Variants in MDGA2 observed in about 807,000 individuals in gnomAD.
MDGA2 encodes MAM domain-containing glycosylphosphatidylinositol anchor protein 2.
Under a neutral mutation model 117.8 loss-of-function variants are expected in MDGA2, and 40 were observed. The ratio of observed to expected loss-of-function variants is 0.34; its 90% CI spans 0.26 to 0.44. The LOEUF is 0.44. MDGA2 is among the 20% of genes least tolerant of loss of function. MDGA2 has a pLI of 1.00. For missense variants in MDGA2, 1,123 were observed against 1,250.6 expected (o/e 0.90, Z 1.54); for synonymous variants, 452 against 439.0 (o/e 1.03, Z -0.37).
rs1454657047 is a variant in MDGA2, at chr14:47,185,429, G to A, written c.595+32592C>T. ...CCATTTTGTAGTTAATGAAGCTAAA[G>A]GTCAGAAAGTTTAAGCAATTTGCCT... On this transcript the variant is annotated intron_variant, in intron 3 of 16. Coordinates refer to ENST00000399232, the MANE Select transcript of MDGA2 (RefSeq NM_001113498.3). Among the ~76,000 whole-genome samples, 6 of 151,404 alleles carry A rather than the reference G, an allele frequency of 4.0e-5. No individual in the cohort carries two copies. In the East Asian group the frequency reaches 9.6e-4, roughly 24 times the overall value.
intron 1 of MDGA2, among the ~76,000 whole-genome samples, chr14:47,342,369 A>G (rs1890657158): frequency 6.6e-6 from 1 of 150,686 alleles, no homozygotes; most frequent in Admixed American, 6.6e-5. Flanking sequence ...TACAATTTCT[A>G]TATGAAATGA....
intron 1 of MDGA2, among the ~76,000 whole-genome samples, chr14:47,616,747 A>C (rs1049571939): frequency 3.9e-5 from 6 of 152,218 alleles, no homozygotes; most frequent in African/African-American, 1.4e-4. Context: ...TGCATTTTCC[A>C]TATTTGTATG....
chr14:47,012,422 G>A (rs1055277523), intron 8 of MDGA2, among the ~76,000 whole-genome samples: 35 of 151,988 alleles, frequency 2.3e-4, no homozygotes, highest in Non-Finnish European at 2.9e-5. Context: ...GTCAACTACT[G>A]AACTGTCTAT....
At chr14:47,288,390 G>A (rs61993083) in intron 2 of MDGA2, among the ~76,000 whole-genome samples, 41,675 of 151,968 alleles carry the variant, frequency 0.27, 6,561 homozygotes, top group Admixed American at 0.47. Flanking sequence ...ATTATGTATC[G>A]TATCAACACA....
chr14:47,217,841 T>C (rs1370752178), intron 3 of MDGA2, among the ~76,000 whole-genome samples, 180 bp downstream of exon 3: 1 of 152,140 alleles, frequency 6.6e-6, no homozygotes, highest in Non-Finnish European at 1.5e-5. Flanking sequence ...TCATAGAAGT[T>C]ATGAAAGTTT....
At chr14:47,042,391 T>TA (rs1566589190) in intron 7 of MDGA2, among the ~76,000 whole-genome samples, 1 of 151,114 alleles carries the variant, frequency 6.6e-6, no homozygotes, top group Admixed American at 6.6e-5. Flanking sequence ...AGAGATGGGT[T>TA]AAAAAAATTG....
At position 46,959,913 on chromosome 14, in the gene MDGA2, C is replaced by CT. The variant is rs1015216273; in HGVS notation, c.1820-2271dup. 2.0e-5 allele frequency among the ~76,000 whole-genome samples: 3 copies of CT among 152,168 alleles called. No homozygotes were observed. In the East Asian group the frequency reaches 5.8e-4, roughly 29 times the overall value. ...TTACTGTGTCATGAATTTCAATCCT[C>CT]TTTTTTTAATAAAAAGTCTGTTGTA... On this transcript the variant is annotated intron_variant, in intron 8 of 16. Transcript: ENST00000399232.
intron 10 of MDGA2, among the ~76,000 whole-genome samples, chr14:46,887,393 C>T (rs1882716484): frequency 6.6e-6 from 1 of 151,924 alleles, no homozygotes. Flanking sequence ...ATCACTTCCT[C>T]CTTTGTTTTC....
At chr14:47,312,042 T>C (rs1889652355) in intron 1 of MDGA2, among the ~76,000 whole-genome samples, 2 of 152,258 alleles carry the variant, frequency 1.3e-5, no homozygotes, top group East Asian at 3.9e-4. Flanking sequence ...AAAACATTTG[T>C]CTAAACCATA....
chr14:46,897,998 T>C (rs1418815471), intron 10 of MDGA2, among the ~76,000 whole-genome samples: 2 of 151,952 alleles, frequency 1.3e-5, no homozygotes, highest in African/African-American at 4.8e-5. Context: ...TTTGAGTGCA[T>C]TATGTTTTCT....
At chr14:47,023,197 G>GCAAAGAAAA (rs1435992503) in intron 8 of MDGA2, among the ~76,000 whole-genome samples, 1 of 69,616 alleles carries the variant, frequency 1.4e-5, no homozygotes, top group Admixed American at 1.6e-4. Context: ...ATTCCCACTC[G>GCAAAGAAAA]TAAAAAAAAA....
chr14:47,523,598 C>G (rs1034507981), intron 1 of MDGA2, among the ~76,000 whole-genome samples: 1 of 152,038 alleles, frequency 6.6e-6, no homozygotes, highest in Admixed American at 6.6e-5. Flanking sequence ...TGAGGGATGA[C>G]AACAGGTAAG....
At chr14:47,561,445 T>A (rs1895814763) in intron 1 of MDGA2, among the ~76,000 whole-genome samples, 1 of 152,038 alleles carries the variant, frequency 6.6e-6, no homozygotes, top group Non-Finnish European at 1.5e-5. Flanking sequence ...ATCCCTCACC[T>A]CCCCGGTTAA....
At chr14:47,313,708 G>C (rs1043292656) in intron 1 of MDGA2, among the ~76,000 whole-genome samples, 2 of 152,128 alleles carry the variant, frequency 1.3e-5, no homozygotes, top group Non-Finnish European at 2.9e-5. Flanking sequence ...TGAGATATTA[G>C]TAAATGTAAT....
intron 3 of MDGA2, among the ~76,000 whole-genome samples, chr14:47,168,136 C>A (rs961677125): frequency 2.1e-4 from 32 of 152,058 alleles, no homozygotes; most frequent in East Asian, 1.9e-3. Context: ...TGACAACTGC[C>A]TTCCCTTCTC....
intron 9 of MDGA2, among the ~76,000 whole-genome samples, chr14:46,930,305 T>C (rs1348946127): frequency 6.6e-6 from 1 of 152,156 alleles, no homozygotes; most frequent in Non-Finnish European, 1.5e-5. Flanking sequence ...TAAATTTCTC[T>C]AGAACAAATT....
At chr14:47,402,086 G>A (rs1046420716) in intron 1 of MDGA2, among the ~76,000 whole-genome samples, 1 of 152,054 alleles carries the variant, frequency 6.6e-6, no homozygotes, top group Non-Finnish European at 1.5e-5. Context: ...AGACTTTCAC[G>A]GTTTGTTTCT....
intron 1 of MDGA2, among the ~76,000 whole-genome samples, chr14:47,489,613 G>A (rs1016117522): frequency 1.3e-5 from 2 of 151,990 alleles, no homozygotes; most frequent in African/African-American, 4.8e-5. Context: ...AAATTTGCAT[G>A]ATAAAATTTT....
chr14:47,055,910 C>A (rs189338449), intron 7 of MDGA2, among the ~76,000 whole-genome samples: 13 of 152,234 alleles, frequency 8.5e-5, no homozygotes, highest in African/African-American at 2.9e-4. Context: ...TGATGTCCAT[C>A]ATTAATTCAG....
Sources: gnomAD v4.1 joint callset for allele counts (sites outside exome capture counted in the v4.1 genomes callset) on GRCh38, gnomAD v4.1.1 for gene constraint, MANE v1.5 for transcripts, NCBI Gene and HGNC (gene_info 2026-07-23, HGNC 2026-07-21) for gene names.